The following CCSER1 variants were observed in gnomAD, a reference collection of about 807,000 sequenced individuals.
CCSER1 encodes serine-rich coiled-coil domain-containing protein 1.
CCSER1 carries 41 observed loss-of-function variants against 82.0 expected under a neutral mutation model. That is an observed-to-expected ratio of 0.50 (90% confidence interval 0.39 to 0.65). The LOEUF (loss-of-function observed/expected upper bound fraction) is 0.65, where lower values mean the gene tolerates loss of function less well. Ranked by LOEUF, CCSER1 falls within the 30% of genes least tolerant of loss-of-function variation. The pLI, the probability that CCSER1 is intolerant of heterozygous loss-of-function variation, is 0.00. For synonymous variants in CCSER1, 414 were observed against 383.9 expected (o/e 1.08, Z -0.92); for missense variants, 1,119 against 1,064.2 (o/e 1.05, Z -0.72).
chr4:91,223,890 C>T (rs11730949), intron 10 of CCSER1, among the ~76,000 whole-genome samples: 8,163 of 152,068 alleles, frequency 0.054, 286 homozygotes, highest in African/African-American at 0.1. Flanking sequence ...TTTTCTGGAA[C>T]GCACTTTGTC....
At chr4:90,415,960 T>C (rs1755721040) in intron 4 of CCSER1, among the ~76,000 whole-genome samples, 1 of 152,216 alleles carries the variant, frequency 6.6e-6, no homozygotes, top group Non-Finnish European at 1.5e-5. Context: ...ACATAATCAT[T>C]GGCAATTTAT....
intron 8 of CCSER1, among the ~76,000 whole-genome samples, chr4:90,848,213 A>G (rs1324349695): frequency 1.3e-5 from 2 of 152,194 alleles, no homozygotes; most frequent in African/African-American, 4.8e-5. Flanking sequence ...AAGCACATAT[A>G]TCATATTTGA....
At chr4:91,000,442 G>A (rs761456604) in intron 9 of CCSER1, among the ~76,000 whole-genome samples, 3 of 151,898 alleles carry the variant, frequency 2.0e-5, no homozygotes, top group Non-Finnish European at 4.4e-5. Context: ...TTAGTATAAT[G>A]TTTTCCAATT....
rs1397536872 is a variant in CCSER1, at chr4:91,599,280, G to C, written c.*223G>C. The C allele has an allele frequency of 2.0e-6, 1 of 490,316 alleles. No individual in the cohort carries two copies. Among genetic ancestry groups the C allele is most frequent in the African/African-American group, 1.9e-5 (1 of 51,722 alleles). 30.4% of individuals were successfully genotyped at this position (490,316 alleles called of 1,614,324 possible). ...TTGAACTAGGTTGCATTGCCTTGAA[G>C]ACTTTACTATATAGGTGTATAATAA... On this transcript the variant is annotated 3_prime_UTR_variant, in exon 11 of 11. Transcript: ENST00000509176.
At chr4:90,933,182 TG>T (rs1730444942) in intron 9 of CCSER1, among the ~76,000 whole-genome samples, 2 of 90,756 alleles carry the variant, frequency 2.2e-5, no homozygotes, top group Non-Finnish European at 4.3e-5. Flanking sequence ...TGTGTGTGTG[TG>T]ATTTTATTTT....
At chr4:91,443,433 C>T (rs1350807538) in intron 10 of CCSER1, among the ~76,000 whole-genome samples, 1 of 142,976 alleles carries the variant, frequency 7.0e-6, no homozygotes, top group African/African-American at 2.6e-5. Context: ...CATGTTCTCA[C>T]TCATATGTGG....
At chr4:90,467,448 G>C (rs1251874583) in intron 4 of CCSER1, among the ~76,000 whole-genome samples, 6 of 152,036 alleles carry the variant, frequency 3.9e-5, no homozygotes, top group African/African-American at 1.4e-4. Flanking sequence ...CACTTTGGGA[G>C]GCTGAGGCGG....
intron 10 of CCSER1, among the ~76,000 whole-genome samples, chr4:91,103,996 G>T (rs1725351506): frequency 6.6e-6 from 1 of 152,000 alleles, no homozygotes; most frequent in African/African-American, 2.4e-5. Context: ...CTGGGGGGAG[G>T]TCTATAAACG....
chr4:90,271,128 AG>A (rs760875438), intron 1 of CCSER1, among the ~76,000 whole-genome samples: 16 of 152,156 alleles, frequency 1.1e-4, no homozygotes, highest in Non-Finnish European at 1.8e-4. Context: ...TCTCAGAAAT[AG>A]AAAAAAAATG....
chr4:91,103,161 C>A (rs1293836319), intron 10 of CCSER1, among the ~76,000 whole-genome samples: 1 of 152,104 alleles, frequency 6.6e-6, no homozygotes, highest in Non-Finnish European at 1.5e-5. Context: ...AAATTTCTTC[C>A]CATTCCTTAG....
intron 5 of CCSER1, among the ~76,000 whole-genome samples, chr4:90,561,025 A>G (rs1040160718): frequency 8.5e-5 from 13 of 152,348 alleles, no homozygotes; most frequent in African/African-American, 3.1e-4. Flanking sequence ...ATATATTCTC[A>G]CAGGGTATTT....
chr4:90,932,982 G>GAAAA, intron 9 of CCSER1, among the ~76,000 whole-genome samples: 1 of 18,856 alleles, frequency 5.3e-5, no homozygotes. Flanking sequence ...AAGAAAGAAA[G>GAAAA]AGAAAGAAAG....
intron 8 of CCSER1, among the ~76,000 whole-genome samples, chr4:90,869,977 T>C (rs909792977): frequency 2.0e-5 from 3 of 151,952 alleles, no homozygotes; most frequent in Admixed American, 6.6e-5. Context: ...ATGGGAACAC[T>C]TTCTAGATTT....
At chr4:90,908,381 G>A (rs1014438826) in intron 8 of CCSER1, among the ~76,000 whole-genome samples, 3 of 152,032 alleles carry the variant, frequency 2.0e-5, no homozygotes, top group African/African-American at 7.2e-5. Context: ...GCAAGTGAAA[G>A]AGTTGTGTTA....
chr4:91,028,882 A>G (rs1740725145), intron 9 of CCSER1, among the ~76,000 whole-genome samples: 1 of 151,832 alleles, frequency 6.6e-6, no homozygotes, highest in African/African-American at 2.4e-5. Context: ...AGAAGCTTTA[A>G]TACATATTAA....
At chr4:90,132,391 G>T (rs368615032) in intron 1 of CCSER1, among the ~76,000 whole-genome samples, 2 of 152,268 alleles carry the variant, frequency 1.3e-5, no homozygotes, top group African/African-American at 4.8e-5. Context: ...TCTTCCCTGT[G>T]CAAGAGTGTC....
intron 5 of CCSER1, among the ~76,000 whole-genome samples, chr4:90,566,528 T>TA: frequency 6.6e-6 from 1 of 152,210 alleles, no homozygotes; most frequent in East Asian, 1.9e-4. Flanking sequence ...TACTGTATCT[T>TA]ACTGTATGCA....
At chr4:90,870,542 G>T (rs1451644514) in intron 8 of CCSER1, among the ~76,000 whole-genome samples, 8 of 151,674 alleles carry the variant, frequency 5.3e-5, no homozygotes. Context: ...AAACCCACTT[G>T]CTCATGATGA....
chr4:90,675,690 TTTTTTTTTTTTTTA>T, intron 6 of CCSER1, among the ~76,000 whole-genome samples: 1 of 942 alleles, frequency 1.1e-3, no homozygotes, highest in Non-Finnish European at 2.3e-3. Context: ...GGTGGTTTTT[TTTTTTTTTTTTTTA>T]TGTGTTTTTT....
Sources: allele counts gnomAD v4.1 joint callset (sites outside exome capture counted in the v4.1 genomes callset), GRCh38; gene constraint gnomAD v4.1.1; transcripts MANE v1.5; gene names NCBI Gene and HGNC (gene_info 2026-07-23, HGNC 2026-07-21).